Variants in NBPF11 observed in about 807,000 individuals in gnomAD.
NBPF11 encodes the protein NBPF member 11, also known as NBPF family member NBPF11.
In NBPF11, 72 loss-of-function variants were observed where a neutral mutation model predicts 93.9. The ratio of observed to expected loss-of-function variants is 0.77; its 90% confidence interval spans 0.63 to 0.93. The LOEUF (loss-of-function observed/expected upper bound fraction) is 0.93. Among genes scored for constraint, NBPF11 ranks in the 40% least tolerant of loss-of-function variants. The probability of loss-of-function intolerance (pLI) is 0.00; values close to 1 mark genes in which losing one functional copy is unlikely to be tolerated. For missense variants in NBPF11, 705 were observed against 802.2 expected (o/e 0.88, Z 1.46); for synonymous variants, 224 against 304.9 (o/e 0.73, Z 2.76).
At chr1:148,128,895 C>T (rs1669683365) in intron 4 of NBPF11, among the ~76,000 whole-genome samples, 1 of 146,406 alleles carries the variant, frequency 6.8e-6, no homozygotes, top group Non-Finnish European at 1.5e-5. Context: ...GTTTTTAAAA[C>T]ATTTAGAAGC....
intron 4 of NBPF11, among the ~76,000 whole-genome samples, chr1:148,129,301 G>GTA (rs1256289301): frequency 6.5e-4 from 95 of 146,384 alleles, no homozygotes; most frequent in Non-Finnish European, 8.1e-4. Flanking sequence ...TATAACACGT[G>GTA]TATATATATA....
rs1664433590 is a variant in NBPF11 at position 148,108,703 on chromosome 1, C to T, written c.1854-49G>A. 5.2e-6 allele frequency: 4 copies of T among 774,804 alleles called. No individual in the cohort carries two copies. The South Asian group carries it at 5.6e-5, about 11-fold the overall frequency. 48.0% of individuals were successfully genotyped at this position (774,804 alleles called of 1,614,324 possible). A position where few individuals can be genotyped will look rare whatever the true frequency, so the allele number is the denominator to read the frequency against. ...GAATAAGCCAGGGGGAATCAGAAAC[C>T]ACACAGCCCCAGCTAGATTTCATGG... On this transcript the variant is annotated intron_variant, in intron 17 of 23. Coordinates refer to ENST00000682118, the MANE Select transcript of NBPF11 (RefSeq NM_001385469.3).
chr1:148,112,251 C>T (rs1286887549), intron 15 of NBPF11, among the ~76,000 whole-genome samples: 4 of 145,866 alleles, frequency 2.7e-5, no homozygotes, highest in South Asian at 4.3e-4. Context: ...GTGCTTCACC[C>T]ATTAACTCAT....
rs1398133184 is a variant in NBPF11 at position 148,152,239 on chromosome 1, AC to A, written c.-1039del. 6.6e-6 allele frequency: 1 copy of A among 152,058 alleles called. No homozygotes were observed. The allele number at this position is 152,058 out of a possible 1,614,324, so 9.4% of individuals were successfully genotyped here. A position where few individuals can be genotyped will look rare whatever the true frequency, so the allele number is the denominator to read the frequency against. Reference sequence around the variant, plus strand: ...CTGCCAGGTTAAAGAGGCGGGAGACACACCCCCTCGGAAGCCCGGAGCTACC... The same window carrying A: ...CTGCCAGGTTAAAGAGGCGGGAGACAACCCCCTCGGAAGCCCGGAGCTACC... On this transcript the variant is annotated 5_prime_UTR_variant, in exon 1 of 24. Coordinates refer to ENST00000682118, the MANE Select transcript of NBPF11 (RefSeq NM_001385469.3).
chr1:148,106,811 C>A, intron 20 of NBPF11, 131 bp downstream of exon 20: 3 of 727,368 alleles, frequency 4.1e-6, no homozygotes, highest in East Asian at 5.5e-5. Flanking sequence ...TCATTACAAC[C>A]TATATGCACC....
At chr1:148,150,331 T>A (rs1313229863) in intron 1 of NBPF11, among the ~76,000 whole-genome samples, 1 of 150,202 alleles carries the variant, frequency 6.7e-6, no homozygotes, top group Non-Finnish European at 1.5e-5. Context: ...CTGGAACTCC[T>A]GGGCTCAAGT....
chr1:148,103,194 C>T lies in NBPF11; in HGVS notation c.*702G>A. 5.1e-6 allele frequency: 1 copy of T among 197,524 alleles called. No individual in the cohort carries two copies. The highest frequency in any genetic ancestry group is 1.2e-4 in the East Asian group (1 of 8,228). 12.2% of individuals were successfully genotyped at this position (197,524 alleles called of 1,614,324 possible). On this transcript the variant is annotated 3_prime_UTR_variant, in exon 24 of 24. Coordinates refer to ENST00000682118, the MANE Select transcript of NBPF11 (RefSeq NM_001385469.3). Reference sequence around the variant, plus strand: ...GCAGTTGGTGGTTCTGAAATACAATCCTCAGCCAAGGATCCCTCCTGTGTT... The same window carrying T: ...GCAGTTGGTGGTTCTGAAATACAATTCTCAGCCAAGGATCCCTCCTGTGTT...
intron 9 of NBPF11, among the ~76,000 whole-genome samples, chr1:148,121,166 T>G (rs1259800772): frequency 2.0e-5 from 3 of 151,606 alleles, no homozygotes; most frequent in Non-Finnish European, 4.4e-5. Flanking sequence ...TCACTCAGCC[T>G]GCCAAGCATC....
chr1:148,119,522 T>G lies in NBPF11; in HGVS notation c.989-800A>C, dbSNP rs1352743481. Among the ~76,000 whole-genome samples the G allele has an allele frequency of 1.3e-4, 19 of 151,978 alleles. 1 individual carries two copies. In the South Asian group the frequency reaches 3.9e-3, roughly 32 times the overall value. On this transcript the variant is annotated intron_variant, in intron 10 of 23. Coordinates refer to ENST00000682118, the MANE Select transcript of NBPF11 (RefSeq NM_001385469.3). ...CAGGAGACAGGCCCACGGTCCCTGC[T>G]CTGTACACTGCACTGCTACCTCCAC... is the stretch of plus-strand genomic sequence containing the variant.
At position 148,144,058 on chromosome 1, in the gene NBPF11, AAATATTTG is replaced by A. The variant is rs1553276513; in HGVS notation, c.-548-380_-548-373del. 3.8e-3 allele frequency among the ~76,000 whole-genome samples: 583 copies of A among 151,970 alleles called. 14 individuals are homozygous for A. The highest frequency in any genetic ancestry group is 0.013 in the African/African-American group (519 of 41,238). On this transcript the variant is annotated intron_variant, in intron 1 of 23. Transcript: ENST00000682118. Reference sequence around the variant, plus strand: ...GGGGGAAAAAAATAGAGTTCTGACTAAATATTTGAGTAGCCAGGGAAGTTTTCACAAAG... The same window carrying A: ...GGGGGAAAAAAATAGAGTTCTGACTAAGTAGCCAGGGAAGTTTTCACAAAG...
intron 20 of NBPF11, among the ~76,000 whole-genome samples, chr1:148,106,460 AT>A: frequency 6.9e-6 from 1 of 143,998 alleles, no homozygotes; most frequent in Middle Eastern, 3.5e-3. Flanking sequence ...TCCCAAAATC[AT>A]TTATCCCAAG....
chr1:148,138,786 C>A (rs1440566259), intron 2 of NBPF11, among the ~76,000 whole-genome samples: 7 of 151,886 alleles, frequency 4.6e-5, no homozygotes, highest in Non-Finnish European at 8.8e-5. Context: ...ACAATCTGAT[C>A]TCTCTTTCTT....
intron 3 of NBPF11, among the ~76,000 whole-genome samples, chr1:148,137,312 G>A (rs1365005402): frequency 1.3e-5 from 2 of 151,240 alleles, no homozygotes; most frequent in Non-Finnish European, 2.9e-5. Context: ...AGGAAAGCAC[G>A]TGGCCTCTGG....
chr1:148,126,216 G>T (rs1227102884), intron 5 of NBPF11, among the ~76,000 whole-genome samples: 1 of 152,010 alleles, frequency 6.6e-6, no homozygotes, highest in African/African-American at 2.4e-5. Flanking sequence ...GCCCAGGCTA[G>T]TCTCAAACTG....
intron 1 of NBPF11, chr1:148,146,551 T>C (rs1673119685): frequency 1.2e-6 from 2 of 1,604,814 alleles, no homozygotes; most frequent in East Asian, 2.2e-5. Flanking sequence ...GGCCGCCCCC[T>C]TGGGGACCCT....
chr1:148,131,258 G>A (rs1349849175), intron 4 of NBPF11, among the ~76,000 whole-genome samples: 1 of 150,370 alleles, frequency 6.7e-6, no homozygotes, highest in South Asian at 2.1e-4. Flanking sequence ...GGGCCTTAAA[G>A]CATGACGAAA....
chr1:148,146,508 G>A, intron 1 of NBPF11: 1 of 1,603,480 alleles, frequency 6.2e-7, no homozygotes, highest in South Asian at 1.1e-5. Context: ...ACTCCCTGGT[G>A]CCTGAGCCCG....
At chr1:148,114,843 A>C (rs1317297894) in intron 14 of NBPF11, among the ~76,000 whole-genome samples, 1 of 151,408 alleles carries the variant, frequency 6.6e-6, no homozygotes, top group Non-Finnish European at 1.5e-5. Flanking sequence ...TGGACATTAA[A>C]TGTTTAGAGG....
chr1:148,121,193 A>C (rs1395826537), intron 9 of NBPF11, among the ~76,000 whole-genome samples: 6 of 151,534 alleles, frequency 4.0e-5, no homozygotes, highest in African/African-American at 1.5e-4. Context: ...TACAAGCGCC[A>C]AGTAACATGA....
Sources: allele counts gnomAD v4.1 joint callset (sites outside exome capture counted in the v4.1 genomes callset), GRCh38; gene constraint gnomAD v4.1.1; transcripts MANE v1.5; gene names NCBI Gene and HGNC (gene_info 2026-07-23, HGNC 2026-07-21).